BRWD1: variants seen among roughly 807,000 people sequenced by gnomAD.
The protein encoded by BRWD1 is bromodomain and WD repeat-containing protein 1.
A neutral mutation model predicts 251.2 loss-of-function variants in BRWD1; 82 were observed. The ratio of observed to expected loss-of-function variants is 0.33; its 90% confidence interval spans 0.27 to 0.39. The LOEUF is 0.39. Among genes scored for constraint, BRWD1 ranks in the 10% least tolerant of loss-of-function variants. The probability of loss-of-function intolerance (pLI) is 1.00; values close to 1 mark genes in which losing one functional copy is unlikely to be tolerated. For missense variants in BRWD1, 2,233 were observed against 2,711.6 expected, an observed-to-expected ratio of 0.82 and a Z score of 3.92; for synonymous variants, 918 against 902.8, an observed-to-expected ratio of 1.02 and a Z score of -0.30.
chr21:39,286,805 C>A (rs1364427335), intron 8 of BRWD1, among the ~76,000 whole-genome samples: 2 of 152,142 alleles, frequency 1.3e-5, no homozygotes, highest in Non-Finnish European at 1.5e-5. Context: ...TGAGCCACTG[C>A]GCCCGGCCCA....
upstream of BRWD1, chr21:39,313,918 G>C: frequency 3.2e-6 from 1 of 314,970 alleles, no homozygotes; most frequent in Non-Finnish European, 6.1e-6. Context: ...GCAGCGCGAC[G>C]CCGGGTGGCC....
chr21:39,215,965 A>G (rs1357991472), intron 31 of BRWD1, among the ~76,000 whole-genome samples: 1 of 150,800 alleles, frequency 6.6e-6, no homozygotes, highest in Non-Finnish European at 1.5e-5. Flanking sequence ...ATGCCACTGC[A>G]CTCCAGCCTG....
rs1466843999 is a variant in BRWD1, at chr21:39,193,533, C to G, written c.*2726G>C. 1.0e-6 allele frequency: 1 copy of G among 985,418 alleles called. No homozygotes were observed. Among genetic ancestry groups the G allele is most frequent in the East Asian group, 1.1e-4 (1 of 8,816 alleles). The allele number at this position is 985,418 out of a possible 1,614,324, so 61.0% of individuals were successfully genotyped here. Reference sequence around the variant, plus strand: ...CTTTCCAAGAAAGCAAAAATCAAATCTGAGTACTTCAAAGCCTGTAAAACC... The same window carrying G: ...CTTTCCAAGAAAGCAAAAATCAAATGTGAGTACTTCAAAGCCTGTAAAACC... On this transcript the variant is annotated 3_prime_UTR_variant, in exon 41 of 41. Coordinates refer to ENST00000342449, the MANE Select transcript of BRWD1 (RefSeq NM_033656.4).
At chr21:39,235,557 T>C in intron 23 of BRWD1, 2 of 205,684 alleles carry the variant, frequency 9.7e-6, no homozygotes, top group South Asian at 2.0e-4. Context: ...GTCCAGTGTT[T>C]GGAGAAGATC....
At chr21:39,271,724 T>C (rs1301937070) in intron 13 of BRWD1, among the ~76,000 whole-genome samples, 1 of 134,800 alleles carries the variant, frequency 7.4e-6, no homozygotes, top group Non-Finnish European at 1.6e-5. Context: ...AAAAAAGATA[T>C]TACAAGCATC....
At chr21:39,232,051 G>C (rs752051807) in intron 25 of BRWD1, 126 bp downstream of exon 25, 23 of 901,500 alleles carry the variant, frequency 2.6e-5, no homozygotes, top group Middle Eastern at 3.4e-4. Context: ...GGTTACAGCA[G>C]AAATGTTATC....
chr21:39,214,428 TAA>T (rs2032795788), intron 32 of BRWD1, among the ~76,000 whole-genome samples: 1 of 151,966 alleles, frequency 6.6e-6, no homozygotes, highest in African/African-American at 2.4e-5. Flanking sequence ...ATAAAATAAG[TAA>T]CATAACTATA....
intron 1 of BRWD1, 51 bp from the exon 2 acceptor site, chr21:39,313,350 A>G: frequency 3.4e-6 from 5 of 1,466,390 alleles, no homozygotes; most frequent in Non-Finnish European, 2.7e-6. Context: ...GGGGAGGGGG[A>G]CGGGGCCAGG....
chr21:39,290,670 T>C (rs1427200144), intron 8 of BRWD1, among the ~76,000 whole-genome samples: 1 of 152,174 alleles, frequency 6.6e-6, no homozygotes, highest in Non-Finnish European at 1.5e-5. Flanking sequence ...ATAAATTTTC[T>C]TATTTGCTGC....
At chr21:39,257,202 TA>T (rs5843954) in intron 18 of BRWD1, among the ~76,000 whole-genome samples, 42,522 of 136,920 alleles carry the variant, frequency 0.31, 6,438 homozygotes, top group Middle Eastern at 0.36. Flanking sequence ...TGAAGCTATT[TA>T]AAAAAAAAAA....
intron 27 of BRWD1, among the ~76,000 whole-genome samples, chr21:39,226,608 T>C (rs1399309864): frequency 1.3e-5 from 2 of 152,222 alleles, no homozygotes; most frequent in East Asian, 1.9e-4. Flanking sequence ...AACACAACTA[T>C]ACAACCTGCT....
chr21:39,199,534 C>G lies in BRWD1; in HGVS notation c.4882G>C (p.Val1628Leu). The G allele has an allele frequency of 6.2e-7, 1 of 1,614,150 alleles. No individual in the cohort carries two copies. Residue 1628 changes from valine (V) to leucine (L), a missense_variant, in exon 40 of 41, where the codon GTC (valine) becomes CTC (leucine). Coordinates refer to ENST00000342449, the MANE Select transcript of BRWD1 (RefSeq NM_033656.4). ...GCCACAGCAGCACACTTCCTTAAGA[C>G]TTTTCGGTTATTTCCAGCTCTGGCT... is the stretch of plus-strand genomic sequence containing the variant. ...LKARAGNNRK[V>L]LRKCAAVAAN...
intron 17 of BRWD1, among the ~76,000 whole-genome samples, chr21:39,261,878 T>C (rs938625251): frequency 6.6e-6 from 1 of 152,218 alleles, no homozygotes; most frequent in African/African-American, 2.4e-5. Context: ...CATTTAAGTG[T>C]AAATACTCTA....
intron 23 of BRWD1, among the ~76,000 whole-genome samples, chr21:39,233,837 T>C (rs541753203): frequency 2.0e-5 from 3 of 152,038 alleles, no homozygotes; most frequent in African/African-American, 7.2e-5. Flanking sequence ...CTGGTCAACA[T>C]GGTGAAACCC....
At position 39,236,624 on chromosome 21, in the gene BRWD1, T is replaced by C. The variant is rs1290037920; in HGVS notation, c.2737A>G (p.Arg913Gly). 1.2e-6 allele frequency: 2 copies of C among 1,608,754 alleles called. No individual in the cohort carries two copies. Among genetic ancestry groups the C allele is most frequent in the African/African-American group, 2.7e-5 (2 of 74,628 alleles). Residue 913 changes from arginine (R) to glycine (G), a missense_variant, in exon 23 of 41, where the codon AGA (arginine) becomes GGA (glycine). Arg to Gly is a moderately radical substitution (Grantham distance 125). Coordinates refer to ENST00000342449, the MANE Select transcript of BRWD1 (RefSeq NM_033656.4). ...TTCTTAGGCTTATTTTCTTTCTTTCTCTTTCGTCTTCTTTTTGGAGGAGAT... is the reference window on the plus strand; with the variant it reads ...TTCTTAGGCTTATTTTCTTTCTTTCCCTTTCGTCTTCTTTTTGGAGGAGAT... ...NLSPPKRRRK[R>G]KKENKPKKEN...
Position 39,192,416 on chromosome 21 carries a change from CTGT to C in BRWD1, c.*3840_*3842del, listed in dbSNP as rs967888977. On this transcript the variant is annotated 3_prime_UTR_variant, in exon 41 of 41. Transcript: ENST00000342449. ...TACTAGGATAAGAGACAGTCTCAAA[CTGT>C]TAAGTTGCAAATTTCTTGGGGTTTC... is the stretch of plus-strand genomic sequence containing the variant. 2.0e-6 allele frequency: 2 copies of C among 985,134 alleles called. No individual in the cohort carries two copies. Among genetic ancestry groups the C allele is most frequent in the Non-Finnish European group, 2.4e-6 (2 of 829,840 alleles). The allele number at this position is 985,134 out of a possible 1,614,324, so 61.0% of individuals were successfully genotyped here.
chr21:39,245,189 A>C lies in BRWD1; in HGVS notation c.2481+2512T>G, dbSNP rs1003969570. On this transcript the variant is annotated intron_variant, in intron 21 of 40. Coordinates refer to ENST00000342449, the MANE Select transcript of BRWD1 (RefSeq NM_033656.4). The stretch of plus-strand genomic sequence containing the variant: ...AGCCCAGGAGTTTGAGGCTACAGTG[A>C]GCCATGACTGCACCATGCACTACAG... Among the ~76,000 whole-genome samples, 3 of 152,132 alleles carry C rather than the reference A, an allele frequency of 2.0e-5. No homozygotes were observed. The East Asian group carries it at 5.8e-4, about 29-fold the overall frequency.
chr21:39,244,738 T>C (rs921932240), intron 21 of BRWD1, among the ~76,000 whole-genome samples: 2 of 151,886 alleles, frequency 1.3e-5, no homozygotes, highest in African/African-American at 4.8e-5. Flanking sequence ...AAATTCAAGG[T>C]ACTTGAGGCG....
intron 38 of BRWD1, among the ~76,000 whole-genome samples, chr21:39,200,989 T>C (rs1314852083): frequency 6.6e-6 from 1 of 152,024 alleles, no homozygotes; most frequent in Non-Finnish European, 1.5e-5. Flanking sequence ...GTCTCAAAAA[T>C]AAATTAGTTA....
Sources: gnomAD v4.1 joint callset for allele counts (sites outside exome capture counted in the v4.1 genomes callset) on GRCh38, gnomAD v4.1.1 for gene constraint, MANE v1.5 for transcripts, NCBI Gene and HGNC (gene_info 2026-07-23, HGNC 2026-07-21) for gene names.